The following SNRNP27 variants were observed in gnomAD, a reference collection of about 807,000 sequenced individuals.
SNRNP27 encodes the protein U4/U6.U5 small nuclear ribonucleoprotein 27 kDa protein.
Under a neutral mutation model 25.1 loss-of-function variants are expected in SNRNP27, and 22 were observed. The ratio of observed to expected loss-of-function variants is 0.88; its 90% CI spans 0.63 to 1.25. The LOEUF (loss-of-function observed/expected upper bound fraction) is 1.25, where lower values mean the gene tolerates loss of function less well. Among genes scored for constraint, SNRNP27 ranks in the 50% most tolerant of loss-of-function variants. SNRNP27 has a pLI of 0.00. For synonymous variants in SNRNP27, 66 were observed against 64.9 expected (o/e 1.02, Z -0.08); for missense variants, 150 against 202.3 (o/e 0.74, Z 1.57).
At chr2:69,897,630 T>G in intron 4 of SNRNP27, 174 bp downstream of exon 4, 1 of 591,944 alleles carries the variant, frequency 1.7e-6, no homozygotes, top group Non-Finnish European at 3.0e-6. Context: ...ATTCAGGGAG[T>G]GGTTGCCAGG....
intron 3 of SNRNP27, 54 bp downstream of exon 3, chr2:69,896,602 A>G: frequency 6.8e-7 from 1 of 1,468,258 alleles, no homozygotes; most frequent in East Asian, 2.4e-5. Context: ...ATAAAATTAT[A>G]AAAGTTTAAT....
intron 4 of SNRNP27, among the ~76,000 whole-genome samples, chr2:69,901,820 A>C (rs943911102): frequency 3.0e-4 from 45 of 152,310 alleles, no homozygotes; most frequent in African/African-American, 1.0e-3. Context: ...CCTGTGTCTA[A>C]AAAATAATAA....
intron 2 of SNRNP27, among the ~76,000 whole-genome samples, chr2:69,895,553 T>C (rs575734261): frequency 1.3e-5 from 2 of 152,334 alleles, no homozygotes; most frequent in East Asian, 3.9e-4. Flanking sequence ...TTTCTTTTCC[T>C]CTTTTTTGAG....
chr2:69,895,065 G>T (rs1278573596), intron 1 of SNRNP27, 29 bp from the exon 2 acceptor site: 2 of 1,611,184 alleles, frequency 1.2e-6, no homozygotes, highest in Non-Finnish European at 1.7e-6. Flanking sequence ...GTAATTATCA[G>T]TTCTGCAATT....
At chr2:69,901,149 A>T (rs1252099296) in intron 4 of SNRNP27, among the ~76,000 whole-genome samples, 1 of 150,832 alleles carries the variant, frequency 6.6e-6, no homozygotes, top group African/African-American at 2.4e-5. Context: ...ACTCTAGCCT[A>T]GTGGCAGAGC....
At chr2:69,900,917 C>CT (rs1222485946) in intron 4 of SNRNP27, among the ~76,000 whole-genome samples, 1 of 152,122 alleles carries the variant, frequency 6.6e-6, no homozygotes, top group Non-Finnish European at 1.5e-5. Flanking sequence ...TGGCTCATGC[C>CT]TGTAATCCCA....
intron 4 of SNRNP27, among the ~76,000 whole-genome samples, chr2:69,900,559 T>C (rs1470410638): frequency 6.6e-6 from 1 of 152,252 alleles, no homozygotes; most frequent in African/African-American, 2.4e-5. Flanking sequence ...ACTTCAAATA[T>C]ACTGTTCGTC....
At chr2:69,902,855 TCTC>T (rs922368980) in intron 4 of SNRNP27, among the ~76,000 whole-genome samples, 61 of 151,260 alleles carry the variant, frequency 4.0e-4, no homozygotes, top group African/African-American at 1.3e-3. Context: ...TGCTTCTCCT[TCTC>T]CTCCTCCCCC....
intron 4 of SNRNP27, 150 bp from the exon 5 acceptor site, chr2:69,903,031 C>A: frequency 2.0e-6 from 1 of 505,066 alleles, no homozygotes. Flanking sequence ...CAGTCCCAAA[C>A]TCCTGGGCTC....
At chr2:69,898,283 G>T (rs1199200609) in intron 4 of SNRNP27, among the ~76,000 whole-genome samples, 2 of 96,476 alleles carry the variant, frequency 2.1e-5, no homozygotes, top group Non-Finnish European at 3.8e-5. Context: ...GCTTAGAAGT[G>T]GGGTGGATAG....
intron 4 of SNRNP27, among the ~76,000 whole-genome samples, chr2:69,901,459 G>A (rs1676697079): frequency 6.6e-6 from 1 of 152,198 alleles, no homozygotes; most frequent in African/African-American, 2.4e-5. Context: ...GAAAGGTCAA[G>A]ATGGAGTAAC....
At chr2:69,901,396 G>C (rs1676696161) in intron 4 of SNRNP27, among the ~76,000 whole-genome samples, 1 of 152,190 alleles carries the variant, frequency 6.6e-6, no homozygotes, top group Admixed American at 6.5e-5. Context: ...TGACTTGGCT[G>C]ATCAGAAGAC....
At chr2:69,897,183 C>CA (rs907830539) in intron 3 of SNRNP27, among the ~76,000 whole-genome samples, 194 bp from the exon 4 acceptor site, 3 of 150,948 alleles carry the variant, frequency 2.0e-5, no homozygotes, top group African/African-American at 7.3e-5. Context: ...AAGGAGAGGA[C>CA]TTTTTTTTTG....
intron 4 of SNRNP27, among the ~76,000 whole-genome samples, chr2:69,900,592 G>C (rs947387806): frequency 1.3e-5 from 2 of 152,160 alleles, no homozygotes; most frequent in Non-Finnish European, 1.5e-5. Flanking sequence ...TTGGCCAGTG[G>C]GTCAGAATCG....
intron 4 of SNRNP27, chr2:69,897,711 C>T: frequency 7.6e-6 from 3 of 396,220 alleles, no homozygotes; most frequent in Non-Finnish European, 1.4e-5. Flanking sequence ...AAGATTATTT[C>T]AGGTAGAGGG....
chr2:69,900,340 C>T (rs1486072936), intron 4 of SNRNP27, among the ~76,000 whole-genome samples: 1 of 152,032 alleles, frequency 6.6e-6, no homozygotes, highest in Non-Finnish European at 1.5e-5. Flanking sequence ...ATCAGTAAAC[C>T]TTTAGGAATC....
At chr2:69,900,304 T>C (rs1434535566) in intron 4 of SNRNP27, among the ~76,000 whole-genome samples, 1 of 152,234 alleles carries the variant, frequency 6.6e-6, no homozygotes, top group East Asian at 1.9e-4. Flanking sequence ...GCTAATAATA[T>C]GCAATTCTGC....
chr2:69,903,576 G>T (rs1163884509), intron 5 of SNRNP27, among the ~76,000 whole-genome samples: 1 of 152,142 alleles, frequency 6.6e-6, no homozygotes, highest in Non-Finnish European at 1.5e-5. Flanking sequence ...GATTGATTAT[G>T]TAAGGATTTC....
intron 2 of SNRNP27, among the ~76,000 whole-genome samples, chr2:69,895,607 A>G (rs369845077): frequency 1.3e-4 from 20 of 151,932 alleles, no homozygotes; most frequent in African/African-American, 4.6e-4. Flanking sequence ...CAGCGGCGCA[A>G]TCTGCTCACT....
Sources: allele counts gnomAD v4.1 joint callset (sites outside exome capture counted in the v4.1 genomes callset), GRCh38; gene constraint gnomAD v4.1.1; transcripts MANE v1.5; gene names NCBI Gene and HGNC (gene_info 2026-07-23, HGNC 2026-07-21).